Variants in MITD1 observed in about 807,000 individuals in gnomAD.
The protein encoded by MITD1 is microtubule interacting and trafficking domain containing 1, also known as MIT domain-containing protein 1.
Under a neutral mutation model 34.9 loss-of-function variants are expected in MITD1, and 24 were observed. That is an observed-to-expected ratio of 0.69 (90% confidence interval 0.50 to 0.97). The LOEUF (loss-of-function observed/expected upper bound fraction) is 0.97, where lower values mean the gene tolerates loss of function less well. Among genes scored for constraint, MITD1 ranks in the 50% least tolerant of loss-of-function variants. The pLI is 0.00. For synonymous variants in MITD1, 102 were observed against 101.4 expected, an observed-to-expected ratio of 1.01 and a Z score of -0.04; for missense variants, 266 against 294.6, an observed-to-expected ratio of 0.90 and a Z score of 0.71.
At chr2:99,173,513 T>C (rs953419825) in intron 2 of MITD1, 3 of 469,486 alleles carry the variant, frequency 6.4e-6, no homozygotes, top group African/African-American at 6.0e-5. Context: ...CTTTCATGAT[T>C]TTGGTCATTT....
downstream of MITD1, chr2:99,161,918 T>G: frequency 6.7e-7 from 1 of 1,488,448 alleles, no homozygotes; most frequent in South Asian, 1.3e-5. Context: ...ATGTTCCTTT[T>G]CTCGATGAAT....
chr2:99,176,329 C>G (rs1247311695), intron 1 of MITD1, among the ~76,000 whole-genome samples: 1 of 138,484 alleles, frequency 7.2e-6, no homozygotes, highest in Non-Finnish European at 1.6e-5. Context: ...AACACAAATT[C>G]ATAAACTTTT....
intron 7 of MITD1, chr2:99,162,578 C>T (rs767188388): frequency 3.8e-5 from 62 of 1,614,048 alleles, no homozygotes; most frequent in Non-Finnish European, 5.3e-5. Flanking sequence ...CCACTGCTAG[C>T]ATACCTTCCT....
rs980881522 is a variant in MITD1, at chr2:99,175,540, C to A, written c.152-1524G>T. ...TCTTACTGCTGATGATATTAACTGACCATTTGGTAAAGGTGTAGTTCAGAT... is the reference window on the plus strand; with the variant it reads ...TCTTACTGCTGATGATATTAACTGAACATTTGGTAAAGGTGTAGTTCAGAT... On this transcript the variant is annotated intron_variant, in intron 1 of 6. Transcript: ENST00000289359. Among the ~76,000 whole-genome samples the A allele has an allele frequency of 3.9e-5, 6 of 152,244 alleles. No individual in the cohort carries two copies. The East Asian group carries it at 1.2e-3, about 29-fold the overall frequency.
intron 1 of MITD1, among the ~76,000 whole-genome samples, chr2:99,174,832 C>T (rs1265659235): frequency 6.6e-6 from 1 of 152,198 alleles, no homozygotes; most frequent in Non-Finnish European, 1.5e-5. Context: ...CTCAAGTGAT[C>T]CTCCTGCCTC....
At chr2:99,163,617 C>A (rs1236523626) in intron 7 of MITD1, among the ~76,000 whole-genome samples, 2 of 152,162 alleles carry the variant, frequency 1.3e-5, no homozygotes, top group Admixed American at 6.5e-5. Context: ...TGTGAGCCAC[C>A]ATGCCCTGTC....
intron 1 of MITD1, among the ~76,000 whole-genome samples, chr2:99,176,682 G>A (rs976587621): frequency 3.4e-5 from 5 of 146,374 alleles, no homozygotes; most frequent in Non-Finnish European, 7.6e-5. Flanking sequence ...GCGTGTGTGT[G>A]TGCGCGTGTG....
At chr2:99,168,964 T>TA (rs1231726970), downstream of MITD1, among the ~76,000 whole-genome samples, 1 of 100,322 alleles carries the variant, frequency 1.0e-5, no homozygotes, top group Admixed American at 1.1e-4. Context: ...TTTTTTTTTT[T>TA]TTTTTTTTTT....
chr2:99,169,673 T>A, intron 5 of MITD1, 63 bp from the exon 6 acceptor site: 1 of 1,394,070 alleles, frequency 7.2e-7, no homozygotes, highest in Non-Finnish European at 1.0e-6. Context: ...AATAAAGCTG[T>A]AGTGTATTAA....
intron 1 of MITD1, among the ~76,000 whole-genome samples, chr2:99,174,915 G>A (rs929341448): frequency 3.5e-5 from 5 of 144,398 alleles, no homozygotes; most frequent in East Asian, 2.0e-4. Context: ...TAGTAGAGAC[G>A]GCGTTTCACC....
intron 7 of MITD1, chr2:99,162,452 A>T: frequency 6.2e-7 from 1 of 1,614,068 alleles, no homozygotes; most frequent in Admixed American, 1.7e-5. Flanking sequence ...TCTCAGGAAC[A>T]GCTTCTAAGA....
At chr2:99,162,515 G>A (rs753140051) in intron 7 of MITD1, 22 of 1,614,004 alleles carry the variant, frequency 1.4e-5, no homozygotes, top group Non-Finnish European at 1.7e-6. Context: ...GTACTGATGG[G>A]ACGTTCTTGT....
intron 2 of MITD1, chr2:99,172,898 A>AC (rs1553516734): frequency 6.6e-6 from 1 of 151,518 alleles, no homozygotes; most frequent in Non-Finnish European, 1.5e-5. Context: ...AAAAAAAAAA[A>AC]CCCTAATGGT....
chr2:99,163,081 T>A (rs768226334), intron 7 of MITD1: 9 of 1,523,776 alleles, frequency 5.9e-6, no homozygotes, highest in African/African-American at 1.4e-5. Context: ...ATAATGTGAT[T>A]CCAAGTAAAT....
downstream of MITD1, among the ~76,000 whole-genome samples, chr2:99,166,486 G>GAAAAAAAAAAAAA (rs367705088): frequency 8.6e-6 from 1 of 116,878 alleles, no homozygotes; most frequent in African/African-American, 3.5e-5. Context: ...GAGGAAATAA[G>GAAAAAAAAAAAAA]AAAAAAAAAA....
chr2:99,164,510 T>C (rs2093817340), downstream of MITD1, among the ~76,000 whole-genome samples: 1 of 150,146 alleles, frequency 6.7e-6, no homozygotes, highest in Non-Finnish European at 1.5e-5. Flanking sequence ...TTATTTTCTT[T>C]TAATATATCT....
intron 1 of MITD1, among the ~76,000 whole-genome samples, chr2:99,176,069 T>C (rs2093885028): frequency 6.6e-6 from 1 of 152,074 alleles, no homozygotes; most frequent in Non-Finnish European, 1.5e-5. Context: ...GCCTCCCAAG[T>C]AGCTGAGACT....
At position 99,173,988 on chromosome 2, in the gene MITD1, A is replaced by G; in HGVS notation, c.180T>C (p.Asn60=). The part of the protein sequence containing the change: ...KGTKDNTKRC[N]LREKISKYMD... ...TGTATTTGGAAATTTTTTCTCTGAG[A>G]TTACATCTCTTAGTATTATCTTTGG... Residue 60 remains asparagine (N), a synonymous_variant, in exon 2 of 7, where the codon AAT becomes AAC. Transcript: ENST00000289359. 1 of 1,582,964 alleles carries G rather than the reference A, an allele frequency of 6.3e-7. No homozygotes were observed. Among genetic ancestry groups the G allele is most frequent in the Non-Finnish European group, 8.7e-7 (1 of 1,153,754 alleles).
downstream of MITD1, among the ~76,000 whole-genome samples, chr2:99,165,944 T>C (rs1048151415): frequency 5.3e-5 from 8 of 152,164 alleles, no homozygotes; most frequent in African/African-American, 1.9e-4. Context: ...GCCAGTGATA[T>C]CAGTGGTGTA....
Sources: gnomAD v4.1 joint callset for allele counts (sites outside exome capture counted in the v4.1 genomes callset) on GRCh38, gnomAD v4.1.1 for gene constraint, MANE v1.5 for transcripts, NCBI Gene and HGNC (gene_info 2026-07-23, HGNC 2026-07-21) for gene names.